Variants in CXCR6 observed in about 807,000 individuals in gnomAD.
The protein encoded by CXCR6 is C-X-C chemokine receptor type 6.
Under a neutral mutation model 1.6 loss-of-function variants are expected in CXCR6, and 3 were observed. The ratio of observed to expected loss-of-function variants is 1.83; its 90% CI spans 0.83 to 4.72. The LOEUF (loss-of-function observed/expected upper bound fraction) is 4.72. Ranked by LOEUF, CXCR6 falls within the 30% of genes most tolerant of loss-of-function variation. CXCR6 has a pLI of 0.02. For synonymous variants in CXCR6, 171 were observed against 159.2 expected (o/e 1.07, Z -0.56); for missense variants, 326 against 414.8 (o/e 0.79, Z 1.86).
upstream of CXCR6, among the ~76,000 whole-genome samples, chr3:45,941,600 G>T (rs147467215): frequency 6.6e-6 from 1 of 152,342 alleles, no homozygotes; most frequent in East Asian, 1.9e-4. Context: ...AAATTTAGGT[G>T]AAAGTCTTTT....
At chr3:45,943,713 G>A (rs950646688) in intron 1 of CXCR6, among the ~76,000 whole-genome samples, 173 bp downstream of exon 1, 6 of 152,166 alleles carry the variant, frequency 3.9e-5, no homozygotes, top group Non-Finnish European at 8.8e-5. Context: ...TGCTGTGTGG[G>A]TTAAACTGGA....
chr3:45,945,655 C>T (rs2125820806), intron 1 of CXCR6: 1 of 152,268 alleles, frequency 6.6e-6, no homozygotes, highest in South Asian at 2.1e-4. Context: ...TAAGAGACTT[C>T]TTGTTCAGAA....
In CXCR6 at chr3:45,947,242, G is replaced by C; in HGVS notation, c.761G>C (p.Arg254Pro). 1 of 1,614,112 alleles carries C rather than the reference G, an allele frequency of 6.2e-7. No homozygotes were observed. Among genetic ancestry groups the C allele is most frequent in the Non-Finnish European group, 8.5e-7 (1 of 1,180,042 alleles). Residue 254 changes from arginine (R) to proline (P), a missense_variant, in exon 2 of 2, where the codon CGC becomes CCC. Transcript: ENST00000304552. ...QMPFNLMKFI[R>P]STHWEYYAMT... ...CCCTTCAACCTCATGAAGTTCATCC[G>C]CAGCACACACTGGGAATACTATGCC...
chr3:45,947,248 C>T lies in CXCR6; in HGVS notation c.767C>T (p.Thr256Ile). Residue 256 changes from threonine to isoleucine, a missense_variant, in exon 2 of 2, where the codon ACA (threonine) becomes ATA (isoleucine). Physicochemically the swap from Thr to Ile is moderately conservative, Grantham distance 89 (BLOSUM62 -1). Coordinates refer to ENST00000304552, the MANE Select transcript of CXCR6 (RefSeq NM_006564.2). Reference sequence around the variant, plus strand: ...AACCTCATGAAGTTCATCCGCAGCACACACTGGGAATACTATGCCATGACC... The same window carrying T: ...AACCTCATGAAGTTCATCCGCAGCATACACTGGGAATACTATGCCATGACC... ...PFNLMKFIRSTHWEYYAMTSF... is the reference protein window; with the variant it reads ...PFNLMKFIRSIHWEYYAMTSF... 1 of 1,614,178 alleles carries T rather than the reference C, an allele frequency of 6.2e-7. No individual in the cohort carries two copies. The highest frequency in any genetic ancestry group is 1.1e-5 in the South Asian group (1 of 91,084).
chr3:45,946,946 C>T lies in CXCR6; in HGVS notation c.465C>T (p.Ile155=), dbSNP rs776905641. ...MTWGKVTSLL[I]WVISLLVSLP... ...GGGGCAAGGTCACCAGCTTGCTCAT[C>T]TGGGTGATATCCCTGCTGGTTTCCT... The change falls in exon 2 of 2, where the codon ATC becomes ATT. Residue 155 remains isoleucine (I), a synonymous_variant. Transcript: ENST00000304552. 12 of 1,614,204 alleles carry T rather than the reference C, an allele frequency of 7.4e-6. No homozygotes were observed. The highest frequency in any genetic ancestry group is 1.1e-5 in the South Asian group (1 of 91,082).
Position 45,946,898 on chromosome 3 carries a change from C to T in CXCR6, c.417C>T (p.Asn139=). ...TGGTTAAGGCCACCAAGGCCTACAA[C>T]CAGCAAGCCAAGAGGATGACCTGGG... The part of the protein sequence containing the change: ...IVVVKATKAY[N]QQAKRMTWGK... The change falls in exon 2 of 2, where the codon AAC becomes AAT. Residue 139 remains asparagine (N), a synonymous_variant. Transcript: ENST00000304552. 1.2e-6 allele frequency: 2 copies of T among 1,614,246 alleles called. No individual in the cohort carries two copies. The highest frequency in any genetic ancestry group is 1.7e-6 in the Non-Finnish European group (2 of 1,180,042).
chr3:45,947,264 T>G lies in CXCR6; in HGVS notation c.783T>G (p.Tyr261Ter). Residue 261 changes from tyrosine (Y) to a stop codon, truncating the protein, a stop_gained, in exon 2 of 2, where the codon TAT becomes TAG. Transcript: ENST00000304552. LOFTEE classifies it high-confidence loss of function. ...KFIRSTHWEY[Y>*]AMTSFHYTIM... ...TCCGCAGCACACACTGGGAATACTA[T>G]GCCATGACCAGCTTTCACTACACCA... 2 of 1,614,162 alleles carry G rather than the reference T, an allele frequency of 1.2e-6. No individual in the cohort carries two copies. Among genetic ancestry groups the G allele is most frequent in the Non-Finnish European group, 1.7e-6 (2 of 1,180,046 alleles).
rs746505246 is a variant in CXCR6, at chr3:45,946,790, G to C, written c.309G>C (p.Lys103Asn). 3.1e-6 allele frequency: 5 copies of C among 1,614,174 alleles called. No homozygotes were observed. The East Asian group carries it at 1.1e-4, about 36-fold the overall frequency. ...GGGTGTTTGGCCAGGTCATGTGCAA[G>C]AGCCTACTGGGCATCTACACTATTA... ...HEWVFGQVMC[K>N]SLLGIYTINF... Residue 103 changes from lysine to asparagine, a missense_variant, in exon 2 of 2, where the codon AAG becomes AAC. By Grantham distance (94) the Lys-to-Asn change is moderately conservative. Transcript: ENST00000304552.
At chr3:45,941,102 C>A (rs1359713800), upstream of CXCR6, 2 of 152,216 alleles carry the variant, frequency 1.3e-5, no homozygotes, top group Non-Finnish European at 2.9e-5. Context: ...CCCAGGCTGG[C>A]CTCAAACTCC....
At chr3:45,945,589 T>A (rs950108660) in intron 1 of CXCR6, 2 of 152,198 alleles carry the variant, frequency 1.3e-5, no homozygotes, top group African/African-American at 4.8e-5. Context: ...CCCTAAGTCC[T>A]AACCTGCCAA....
intron 1 of CXCR6, chr3:45,945,720 G>A (rs1048434594): frequency 3.3e-5 from 5 of 152,178 alleles, no homozygotes; most frequent in Non-Finnish European, 7.3e-5. Context: ...GTTAACTGAT[G>A]AAGGGGAAAG....
chr3:45,944,824 T>G (rs1294389908), intron 1 of CXCR6, among the ~76,000 whole-genome samples: 1 of 152,218 alleles, frequency 6.6e-6, no homozygotes, highest in Non-Finnish European at 1.5e-5. Flanking sequence ...GAGCTGAACA[T>G]TATTCTTAAG....
upstream of CXCR6, among the ~76,000 whole-genome samples, chr3:45,942,607 A>G (rs1471620588): frequency 6.6e-6 from 1 of 152,190 alleles, no homozygotes; most frequent in East Asian, 1.9e-4. Flanking sequence ...TACCCTCTCC[A>G]CTACAAGGCA....
Position 45,944,216 on chromosome 3 carries a change from G to GTA in CXCR6, c.-22+687_-22+688dup, listed in dbSNP as rs57390542. ...TGTGTCTGTGTGTGTGTGTGTGTGT[G>GTA]TATATATATATACATTATTTCTGAG... is the stretch of plus-strand genomic sequence containing the variant. On this transcript the variant is annotated intron_variant, in intron 1 of 1. Coordinates refer to ENST00000304552, the MANE Select transcript of CXCR6 (RefSeq NM_006564.2). Among the ~76,000 whole-genome samples, 562 of 140,468 alleles carry GTA rather than the reference G, an allele frequency of 4.0e-3. 4 individuals carry two copies. Among genetic ancestry groups the GTA allele is most frequent in the East Asian group, 0.016 (80 of 5,092 alleles). The allele number at this position is 140,468 out of a possible 152,430, so 92.2% of individuals were successfully genotyped here.
At chr3:45,943,712 G>A (rs565018443) in intron 1 of CXCR6, among the ~76,000 whole-genome samples, 172 bp downstream of exon 1, 7 of 152,252 alleles carry the variant, frequency 4.6e-5, no homozygotes, top group Non-Finnish European at 8.8e-5. Context: ...CTGCTGTGTG[G>A]GTTAAACTGG....
intron 1 of CXCR6, among the ~76,000 whole-genome samples, chr3:45,943,981 A>G (rs1208526513): frequency 1.3e-5 from 2 of 152,246 alleles, no homozygotes; most frequent in Admixed American, 6.5e-5. Context: ...ATTTTAAAAA[A>G]AGGAAGAAAT....
chr3:45,943,704 G>C (rs763754678), intron 1 of CXCR6, among the ~76,000 whole-genome samples, 164 bp downstream of exon 1: 4 of 152,188 alleles, frequency 2.6e-5, no homozygotes, highest in Non-Finnish European at 4.4e-5. Context: ...GCCATTTGCT[G>C]CTGTGTGGGT....
At chr3:45,942,974 C>G (rs963613975), upstream of CXCR6, among the ~76,000 whole-genome samples, 13 of 152,120 alleles carry the variant, frequency 8.5e-5, no homozygotes, top group Non-Finnish European at 1.5e-4. Context: ...CTGTGTGCAC[C>G]AGGGCTTGTT....
In CXCR6 at chr3:45,947,196, G is replaced by C; in HGVS notation, c.715G>C (p.Val239Leu). ...AAAGATCATCTTCCTGGTGATGGCT[G>C]TGTTCCTGCTGACCCAGATGCCCTT... is the stretch of plus-strand genomic sequence containing the variant. ...SLKIIFLVMA[V>L]FLLTQMPFNL... The change falls in exon 2 of 2, where the codon GTG (valine) becomes CTG (leucine). Residue 239 changes from valine to leucine, a missense_variant. By Grantham distance (32) the Val-to-Leu change is conservative (BLOSUM62 1). Coordinates refer to ENST00000304552, the MANE Select transcript of CXCR6 (RefSeq NM_006564.2). The C allele has an allele frequency of 6.2e-7, 1 of 1,614,184 alleles. No individual in the cohort carries two copies. The highest frequency in any genetic ancestry group is 1.7e-5 in the Admixed American group (1 of 60,032).
Sources: gnomAD v4.1 joint callset for allele counts (sites outside exome capture counted in the v4.1 genomes callset) on GRCh38, gnomAD v4.1.1 for gene constraint, MANE v1.5 for transcripts, NCBI Gene and HGNC (gene_info 2026-07-23, HGNC 2026-07-21) for gene names.